The following OR3A2 variants were observed in gnomAD, a reference collection of about 807,000 sequenced individuals.
OR3A2 encodes olfactory receptor family 3 subfamily A member 2.
For missense variants in OR3A2, 318 were observed against 392.8 expected, an observed-to-expected ratio of 0.81 and a Z score of 1.61; for synonymous variants, 126 against 159.3, an observed-to-expected ratio of 0.79 and a Z score of 1.57.
chr17:3,347,684 G>C (rs974223364), intron 2 of OR3A2, among the ~76,000 whole-genome samples: 2 of 152,168 alleles, frequency 1.3e-5, no homozygotes, highest in African/African-American at 4.8e-5. Context: ...TTGCTATTGT[G>C]AATAATGCCG....
intron 3 of OR3A2, among the ~76,000 whole-genome samples, chr17:3,323,343 T>C (rs1567554517): frequency 6.6e-6 from 1 of 152,148 alleles, no homozygotes; most frequent in Non-Finnish European, 1.5e-5. Context: ...AATTGGAGCA[T>C]TTAGTCTATT....
chr17:3,367,601 G>GTATATATTATATATATATATATA (rs2049575465), intron 2 of OR3A2, among the ~76,000 whole-genome samples: 1 of 122,522 alleles, frequency 8.2e-6, no homozygotes, highest in Non-Finnish European at 1.6e-5. Flanking sequence ...GTGTGTGTGT[G>GTATATATTATATATATATATATA]TATATATATA....
intron 2 of OR3A2, among the ~76,000 whole-genome samples, chr17:3,367,393 T>G (rs2049573147): frequency 6.6e-6 from 1 of 151,436 alleles, no homozygotes; most frequent in Non-Finnish European, 1.5e-5. Context: ...TCCCCAGAGT[T>G]CATTATATCA....
intron 3 of OR3A2, among the ~76,000 whole-genome samples, chr17:3,315,178 T>A (rs1484326544): frequency 6.6e-6 from 1 of 152,228 alleles, no homozygotes; most frequent in African/African-American, 2.4e-5. Context: ...GGTAGAATGA[T>A]TTACTCTCCT....
chr17:3,319,518 C>A (rs1300085446), intron 3 of OR3A2, among the ~76,000 whole-genome samples: 4 of 151,954 alleles, frequency 2.6e-5, no homozygotes, highest in African/African-American at 4.8e-5. Flanking sequence ...TAATGCTATC[C>A]TTCCCCCATC....
intron 3 of OR3A2, among the ~76,000 whole-genome samples, chr17:3,329,094 G>C (rs901748829): frequency 1.3e-5 from 2 of 151,640 alleles, no homozygotes; most frequent in African/African-American, 4.9e-5. Context: ...TTTTTGATGT[G>C]CTGCTGGATT....
exon 2 of OR3A2, chr17:3,277,282 G>C (rs977472872): frequency 1.3e-5 from 2 of 152,096 alleles, no homozygotes; most frequent in Admixed American, 1.3e-4. Flanking sequence ...AAGGTGAAAG[G>C]CAAACAAATG....
At chr17:3,369,600 T>C (rs1000476337) in intron 2 of OR3A2, among the ~76,000 whole-genome samples, 4 of 151,924 alleles carry the variant, frequency 2.6e-5, no homozygotes, top group Non-Finnish European at 5.9e-5. Context: ...CTTCGTATAT[T>C]ATATTTTCGA....
At chr17:3,367,396 T>C (rs1296205470) in intron 2 of OR3A2, among the ~76,000 whole-genome samples, 2 of 142,526 alleles carry the variant, frequency 1.4e-5, no homozygotes, top group African/African-American at 5.0e-5. Context: ...CCAGAGTTCA[T>C]TATATCATTC....
At chr17:3,322,630 C>T (rs1273693761) in intron 3 of OR3A2, among the ~76,000 whole-genome samples, 3 of 152,114 alleles carry the variant, frequency 2.0e-5, no homozygotes, top group African/African-American at 4.8e-5. Flanking sequence ...TCGTTATGTA[C>T]CCAGTAGTCA....
chr17:3,329,600 C>CT (rs1231542530), intron 3 of OR3A2, among the ~76,000 whole-genome samples: 1 of 140,982 alleles, frequency 7.1e-6, no homozygotes, highest in Admixed American at 7.3e-5. Flanking sequence ...ATTCTTCTCT[C>CT]TTTTTTTCTT....
At chr17:3,286,358 C>A (rs149743513), upstream of OR3A2, among the ~76,000 whole-genome samples, 2,792 of 152,182 alleles carry the variant, frequency 0.018, 91 homozygotes, top group African/African-American at 0.063. Context: ...ATATTGTGAA[C>A]AGTGCTACAA....
At chr17:3,331,791 C>G (rs1214579777) in intron 3 of OR3A2, among the ~76,000 whole-genome samples, 1 of 152,020 alleles carries the variant, frequency 6.6e-6, no homozygotes, top group African/African-American at 2.4e-5. Flanking sequence ...GAGAGGCGCT[C>G]TGCATTTTAG....
rs2049498703 is a variant in OR3A2, at chr17:3,360,134, C to G, written c.-179+23670G>C. ...CATTCTAACTGGTGTGACATGATATCTCATTGTGGTTTTAATTTGCATTTC... is the reference window on the plus strand; with the variant it reads ...CATTCTAACTGGTGTGACATGATATGTCATTGTGGTTTTAATTTGCATTTC... On this transcript the variant is annotated intron_variant, in intron 2 of 4. Coordinates refer to the OR3A2 transcript ENST00000573491. 2.0e-5 allele frequency among the ~76,000 whole-genome samples: 3 copies of G among 151,944 alleles called. No individual in the cohort carries two copies. In the South Asian group the frequency reaches 6.2e-4, roughly 31 times the overall value.
chr17:3,369,722 G>GGACA (rs2049595852), intron 2 of OR3A2, among the ~76,000 whole-genome samples: 1 of 150,896 alleles, frequency 6.6e-6, no homozygotes, highest in Admixed American at 6.6e-5. Flanking sequence ...CCTGATTTTA[G>GGACA]TATTAGGGTA....
intron 3 of OR3A2, among the ~76,000 whole-genome samples, chr17:3,326,888 A>C (rs1289551704): frequency 1.6e-5 from 2 of 128,022 alleles, no homozygotes; most frequent in Non-Finnish European, 3.2e-5. Context: ...TGAACTCATC[A>C]TTTTTTATGG....
chr17:3,277,119 G>A (rs1015298271), downstream of OR3A2: 2 of 151,844 alleles, frequency 1.3e-5, no homozygotes, highest in African/African-American at 4.8e-5. Flanking sequence ...GTAGAGAAGG[G>A]GTTTCACTAT....
intron 3 of OR3A2, among the ~76,000 whole-genome samples, chr17:3,298,947 T>A (rs910733490): frequency 6.6e-6 from 1 of 152,152 alleles, no homozygotes; most frequent in Non-Finnish European, 1.5e-5. Flanking sequence ...CACAGAGCAA[T>A]AAACAACCCA....
chr17:3,310,123 A>C lies in OR3A2; in HGVS notation c.-85+25910T>G, dbSNP rs1443173110. 9 of 340,842 alleles carry C rather than the reference A, an allele frequency of 2.6e-5. No homozygotes were observed. The Admixed American group carries it at 3.4e-4, about 13-fold the overall frequency. 21.1% of individuals were successfully genotyped at this position (340,842 alleles called of 1,614,324 possible). Reference sequence around the variant, plus strand: ...GTTACCCATTAAGAGTCAGATATCAAGTCTTTTCATACTACATCTAAATCT... The same window carrying C: ...GTTACCCATTAAGAGTCAGATATCACGTCTTTTCATACTACATCTAAATCT... On this transcript the variant is annotated intron_variant, in intron 3 of 4. Coordinates refer to the OR3A2 transcript ENST00000573491.
Sources: gnomAD v4.1 joint callset for allele counts (sites outside exome capture counted in the v4.1 genomes callset) on GRCh38, gnomAD v4.1.1 for gene constraint, MANE v1.5 for transcripts, NCBI Gene and HGNC (gene_info 2026-07-23, HGNC 2026-07-21) for gene names.